Variants in IL1RAPL1 observed in about 807,000 individuals in gnomAD.
The protein encoded by IL1RAPL1 is interleukin-1 receptor accessory protein-like 1.
In IL1RAPL1, 3 loss-of-function variants were observed where a neutral mutation model predicts 48.4. The observed-to-expected ratio is 0.06, with a 90% confidence interval of 0.03 to 0.16. The LOEUF (loss-of-function observed/expected upper bound fraction) is 0.16, where lower values mean the gene tolerates loss of function less well. Ranked by LOEUF, IL1RAPL1 falls within the 10% of genes least tolerant of loss-of-function variation. The pLI, the probability that IL1RAPL1 is intolerant of heterozygous loss-of-function variation, is 1.00. For synonymous variants in IL1RAPL1, 185 were observed against 187.7 expected, an observed-to-expected ratio of 0.99 and a Z score of 0.12; for missense variants, 349 against 530.6, an observed-to-expected ratio of 0.66 and a Z score of 3.36.
At chrX:28,908,385 T>A (rs1434653244) in intron 2 of IL1RAPL1, among the ~76,000 whole-genome samples, 1 of 111,657 alleles carries the variant, frequency 9.0e-6, no homozygotes, top group East Asian at 2.8e-4. Flanking sequence ...TAAGTTTTGG[T>A]CAGTTGTATT....
chrX:28,705,429 C>T (rs939857143), intron 1 of IL1RAPL1, among the ~76,000 whole-genome samples: 4 of 111,819 alleles, frequency 3.6e-5, no homozygotes, highest in African/African-American at 9.7e-5. Context: ...TCAGACCTAC[C>T]GGTGTCTTTT....
At chrX:28,724,449 T>G (rs1470937122) in intron 1 of IL1RAPL1, among the ~76,000 whole-genome samples, 3 of 111,311 alleles carry the variant, frequency 2.7e-5, no homozygotes, top group African/African-American at 6.5e-5. Flanking sequence ...ATTTTCTTGG[T>G]AGATCTTCCT....
chrX:29,906,839 A>AGACTT (rs764648982), intron 6 of IL1RAPL1, among the ~76,000 whole-genome samples: 2 of 110,476 alleles, frequency 1.8e-5, no homozygotes, highest in South Asian at 3.9e-4. Context: ...GGAACTCTCC[A>AGACTT]GACTTGACTT....
intron 2 of IL1RAPL1, among the ~76,000 whole-genome samples, chrX:28,943,975 T>A (rs771949974): frequency 9.0e-6 from 1 of 111,423 alleles, no homozygotes; most frequent in African/African-American, 3.2e-5. Context: ...ATCTATGAAA[T>A]AAAATTCTCC....
intron 1 of IL1RAPL1, among the ~76,000 whole-genome samples, chrX:28,671,905 G>A (rs914779047): frequency 3.6e-5 from 4 of 112,488 alleles, no homozygotes; most frequent in Non-Finnish European, 3.8e-5. Context: ...TGTGAGAATT[G>A]TAAGCAATTT....
chrX:29,123,906 AGATT>A (rs1377734229), intron 2 of IL1RAPL1, among the ~76,000 whole-genome samples: 28 of 109,785 alleles, frequency 2.6e-4, no homozygotes, highest in African/African-American at 9.0e-4. Context: ...TATTTTAGAT[AGATT>A]GTGTTAAATA....
chrX:28,825,918 T>C (rs1936990646), intron 2 of IL1RAPL1, among the ~76,000 whole-genome samples: 1 of 111,285 alleles, frequency 9.0e-6, no homozygotes, highest in Non-Finnish European at 1.9e-5. Context: ...TGACACAGAT[T>C]TGATATAGTA....
At chrX:29,486,144 A>C (rs371428010) in intron 5 of IL1RAPL1, among the ~76,000 whole-genome samples, 4 of 110,933 alleles carry the variant, frequency 3.6e-5, no homozygotes, top group East Asian at 5.7e-4. Flanking sequence ...TGTTGCAATA[A>C]ATCAGTCATT....
intron 2 of IL1RAPL1, among the ~76,000 whole-genome samples, chrX:29,061,610 C>G (rs1927342866): frequency 9.0e-6 from 1 of 111,366 alleles, no homozygotes; most frequent in Non-Finnish European, 1.9e-5. Flanking sequence ...AGGTGCCCAC[C>G]ACCAGGCCCG....
chrX:29,367,186 T>C (rs1256254783), intron 3 of IL1RAPL1, among the ~76,000 whole-genome samples: 2 of 111,898 alleles, frequency 1.8e-5, no homozygotes, highest in Non-Finnish European at 1.9e-5. Context: ...GTTTAATCAG[T>C]TCATCTAAAC....
chrX:29,478,486 C>T (rs996807486), intron 5 of IL1RAPL1, among the ~76,000 whole-genome samples: 13 of 111,372 alleles, frequency 1.2e-4, no homozygotes, highest in African/African-American at 3.9e-4. Context: ...TATAGTCTTC[C>T]GTTCAACAGC....
intron 1 of IL1RAPL1, among the ~76,000 whole-genome samples, chrX:28,759,273 T>C (rs1169350938): frequency 9.0e-6 from 1 of 110,740 alleles, no homozygotes; most frequent in Non-Finnish European, 1.9e-5. Flanking sequence ...ACGTTGTCCT[T>C]ATCCAATAAC....
chrX:29,529,727 A>G (rs779647065), intron 5 of IL1RAPL1, among the ~76,000 whole-genome samples: 14 of 111,197 alleles, frequency 1.3e-4, no homozygotes, highest in African/African-American at 4.6e-4. Flanking sequence ...TAGGAAATAC[A>G]TACTGAAATA....
chrX:28,687,410 T>C (rs759365613), intron 1 of IL1RAPL1, among the ~76,000 whole-genome samples: 4 of 112,430 alleles, frequency 3.6e-5, no homozygotes, highest in South Asian at 7.2e-4. Context: ...ATATTTTTAC[T>C]TTATATTTTG....
At chrX:29,538,655 T>A (rs866768360) in intron 5 of IL1RAPL1, among the ~76,000 whole-genome samples, 3 of 97,732 alleles carry the variant, frequency 3.1e-5, no homozygotes, top group African/African-American at 1.2e-4. Context: ...TTTTTTTTTT[T>A]AAAGCAATTT....
intron 1 of IL1RAPL1, among the ~76,000 whole-genome samples, chrX:28,614,067 G>C (rs1384774427): frequency 1.8e-5 from 2 of 111,675 alleles, no homozygotes; most frequent in Non-Finnish European, 3.8e-5. Context: ...TACTTAACCT[G>C]CTGGAAACAG....
chrX:28,907,657 A>T (rs1436839035), intron 2 of IL1RAPL1, among the ~76,000 whole-genome samples: 1 of 112,758 alleles, frequency 8.9e-6, no homozygotes, highest in Non-Finnish European at 1.9e-5. Context: ...TAGATTATTT[A>T]ATAGTTCATT....
At chrX:28,898,083 A>G (rs1229747497) in intron 2 of IL1RAPL1, among the ~76,000 whole-genome samples, 1 of 111,772 alleles carries the variant, frequency 8.9e-6, no homozygotes. Flanking sequence ...TTCTTTTGTG[A>G]TTCTTCAGTT....
At chrX:29,803,500 CAT>C (rs1385556375) in intron 6 of IL1RAPL1, among the ~76,000 whole-genome samples, 3 of 86,941 alleles carry the variant, frequency 3.5e-5, no homozygotes, top group African/African-American at 4.9e-5. Context: ...TCTATGTATA[CAT>C]ATGTGTATAT....
Sources: allele counts gnomAD v4.1 joint callset (sites outside exome capture counted in the v4.1 genomes callset), GRCh38; gene constraint gnomAD v4.1.1; transcripts MANE v1.5; gene names NCBI Gene and HGNC (gene_info 2026-07-23, HGNC 2026-07-21).